The following ADAMTS19 variants were observed in gnomAD, a reference collection of about 807,000 sequenced individuals.
ADAMTS19 encodes ADAM metallopeptidase with thrombospondin type 1 motif 19, also known as A disintegrin and metalloproteinase with thrombospondin motifs 19.
ADAMTS19 carries 93 observed loss-of-function variants against 153.3 expected under a neutral mutation model. The ratio of observed to expected loss-of-function variants is 0.61; its 90% CI spans 0.51 to 0.72. The LOEUF is 0.72. Among genes scored for constraint, ADAMTS19 ranks in the 30% least tolerant of loss-of-function variants. The pLI, the probability that ADAMTS19 is intolerant of heterozygous loss-of-function variation, is 0.00. For synonymous variants in ADAMTS19, 600 were observed against 556.6 expected (o/e 1.08, Z -1.10); for missense variants, 1,482 against 1,552.1 (o/e 0.95, Z 0.76).
In ADAMTS19 at chr5:129,533,168, T is replaced by C. The variant is rs141465943; in HGVS notation, c.1328+4491T>C. On this transcript the variant is annotated intron_variant, in intron 6 of 22. Coordinates refer to ENST00000274487, the MANE Select transcript of ADAMTS19 (RefSeq NM_133638.6). ...ACTGATCAGAAGATGATTCCACTTA[T>C]ATAGAGTTTGAAAATAGGCAGAATT... Among the ~76,000 whole-genome samples the C allele has an allele frequency of 2.3e-3, 349 of 152,104 alleles. 2 individuals carry two copies. The highest frequency in any genetic ancestry group is 7.9e-3 in the African/African-American group (326 of 41,512).
chr5:129,628,199 G>C (rs1339520062), intron 10 of ADAMTS19, among the ~76,000 whole-genome samples: 3 of 151,974 alleles, frequency 2.0e-5, no homozygotes, highest in African/African-American at 4.8e-5. Context: ...ACTTATGCAG[G>C]AACAAAAAAC....
rs368746534 is a variant in ADAMTS19, at chr5:129,524,403, C to T, written c.914-1881C>T. ...TTCAGGACATAGGCATGGGCAAAGA[C>T]TTCATGACTAAAACGCCAAAAGCAA... On this transcript the variant is annotated intron_variant, in intron 3 of 22. Transcript: ENST00000274487. Among the ~76,000 whole-genome samples, 8 of 152,164 alleles carry T rather than the reference C, an allele frequency of 5.3e-5. No individual in the cohort carries two copies. In the East Asian group the frequency reaches 7.7e-4, roughly 15 times the overall value.
Position 129,704,224 on chromosome 5 carries a change from G to A in ADAMTS19, c.3160-15G>A. 1 of 1,608,720 alleles carries A rather than the reference G, an allele frequency of 6.2e-7. No homozygotes were observed. The highest frequency in any genetic ancestry group is 8.5e-7 in the Non-Finnish European group (1 of 1,177,650). The stretch of plus-strand genomic sequence containing the variant: ...TTCACCAACTTTATCTAAAACCTCT[G>A]ATGTTATCTTCCAGTGTTCAGTCAA... On this transcript the variant is annotated splice_polypyrimidine_tract_variant and intron_variant, in intron 20 of 22. Transcript: ENST00000274487.
intron 21 of ADAMTS19, 124 bp downstream of exon 21, chr5:129,704,515 T>A: frequency 9.0e-7 from 1 of 1,111,200 alleles, no homozygotes; most frequent in East Asian, 2.6e-5. Context: ...TCATGGGATA[T>A]GGGGCAGATT....
intron 14 of ADAMTS19, among the ~76,000 whole-genome samples, chr5:129,658,335 AAG>A (rs777564162): frequency 8.7e-4 from 73 of 84,190 alleles, no homozygotes; most frequent in Non-Finnish European, 1.2e-3. Context: ...GAAAGAAAGA[AAG>A]AAAGAAAGAA....
intron 10 of ADAMTS19, among the ~76,000 whole-genome samples, chr5:129,630,719 G>C (rs1310242549): frequency 6.6e-6 from 1 of 151,826 alleles, no homozygotes; most frequent in Non-Finnish European, 1.5e-5. Flanking sequence ...AAACAAAACA[G>C]AAAATTATTG....
chr5:129,694,803 A>C lies in ADAMTS19; in HGVS notation c.2902A>C (p.Thr968Pro). ...IVDNEKCKYL[T>P]KPEPQIRKCN... ...GGACAATGAGAAATGCAAATACTTAACCAAGCCAGAGCCACAGATTCGAAA... is the reference window on the plus strand; with the variant it reads ...GGACAATGAGAAATGCAAATACTTACCCAAGCCAGAGCCACAGATTCGAAA... Residue 968 changes from threonine (T) to proline (P), a missense_variant, in exon 19 of 23, where the codon ACC becomes CCC. Physicochemically the swap from Thr to Pro is conservative, Grantham distance 38. Around this residue, in one of 2 missense-constraint regions of ADAMTS19, gnomAD observed 616 missense variants for 724.4 expected, o/e 0.85. Coordinates refer to ENST00000274487, the MANE Select transcript of ADAMTS19 (RefSeq NM_133638.6). 1 of 1,607,330 alleles carries C rather than the reference A, an allele frequency of 6.2e-7. No homozygotes were observed. The highest frequency in any genetic ancestry group is 8.5e-7 in the Non-Finnish European group (1 of 1,176,624).
At chr5:129,695,801 G>C (rs1755525557) in intron 19 of ADAMTS19, among the ~76,000 whole-genome samples, 1 of 152,166 alleles carries the variant, frequency 6.6e-6, no homozygotes, top group South Asian at 2.1e-4. Context: ...ATTTGTTGAA[G>C]CCCGGTGAGT....
chr5:129,714,335 C>T (rs1756617396), intron 21 of ADAMTS19, among the ~76,000 whole-genome samples: 1 of 146,212 alleles, frequency 6.8e-6, no homozygotes, highest in Non-Finnish European at 1.5e-5. Flanking sequence ...AGGAGAATGG[C>T]GTGAACCCGG....
chr5:129,486,552 A>C (rs371221123), intron 2 of ADAMTS19, among the ~76,000 whole-genome samples: 2 of 152,270 alleles, frequency 1.3e-5, no homozygotes, highest in South Asian at 4.1e-4. Flanking sequence ...TATGATCAAA[A>C]CTGTCAACAA....
chr5:129,692,341 A>G (rs75390540), intron 18 of ADAMTS19, among the ~76,000 whole-genome samples: 1 of 148,646 alleles, frequency 6.7e-6, no homozygotes. Context: ...TCTCCATGTG[A>G]AAAAAAAAAG....
chr5:129,617,998 A>AT (rs938320980), intron 8 of ADAMTS19, among the ~76,000 whole-genome samples: 2 of 152,068 alleles, frequency 1.3e-5, no homozygotes, highest in Non-Finnish European at 2.9e-5. Flanking sequence ...CAGGCACTAC[A>AT]TATCATGTGA....
At chr5:129,658,317 G>GAAAGAAAGAA (rs1173568592) in intron 14 of ADAMTS19, among the ~76,000 whole-genome samples, 399 of 38,458 alleles carry the variant, frequency 0.01, 7 homozygotes, top group African/African-American at 0.026. Flanking sequence ...GAAAAAGAAA[G>GAAAGAAAGAA]AAAGAAAGAA....
chr5:129,680,787 A>C (rs1258781616), intron 17 of ADAMTS19, among the ~76,000 whole-genome samples: 1 of 150,098 alleles, frequency 6.7e-6, no homozygotes, highest in African/African-American at 2.4e-5. Flanking sequence ...AAAAAAAAAA[A>C]CTGGATATAA....
intron 6 of ADAMTS19, among the ~76,000 whole-genome samples, chr5:129,546,911 C>G (rs957947978): frequency 6.6e-6 from 1 of 150,848 alleles, no homozygotes; most frequent in Admixed American, 6.6e-5. Context: ...AGATTAAAAA[C>G]ACATGAAAAA....
intron 7 of ADAMTS19, among the ~76,000 whole-genome samples, chr5:129,557,893 A>G (rs1753368514): frequency 6.6e-6 from 1 of 152,068 alleles, no homozygotes; most frequent in South Asian, 2.1e-4. Flanking sequence ...TTTTTAAATA[A>G]CCAAGTACGG....
At position 129,620,735 on chromosome 5, in the gene ADAMTS19, G is replaced by T; in HGVS notation, c.1596G>T (p.Lys532Asn). The change falls in exon 9 of 23, where the codon AAG (lysine) becomes AAT (asparagine). Residue 532 changes from lysine (K) to asparagine (N), a missense_variant. Lys to Asn is a moderately conservative substitution (Grantham distance 94). Around this residue, in one of 2 missense-constraint regions of ADAMTS19, gnomAD observed 866 missense variants for 827.7 expected, o/e 1.05. Transcript: ENST00000274487. ...LGDVSWSRCS[K>N]EDLERFLRSK... is the part of the protein sequence containing the mutation. ...ACGTTTCATGGTCTCGATGTAGCAA[G>T]GAAGATTTGGAAAGATTTCTCAGGT... The T allele has an allele frequency of 6.2e-7, 1 of 1,612,572 alleles. No homozygotes were observed. Among genetic ancestry groups the T allele is most frequent in the Non-Finnish European group, 8.5e-7 (1 of 1,179,112 alleles).
intron 7 of ADAMTS19, among the ~76,000 whole-genome samples, chr5:129,585,378 C>G (rs1174682196): frequency 6.6e-6 from 1 of 151,844 alleles, no homozygotes; most frequent in African/African-American, 2.4e-5. Context: ...CTTTTTCTTT[C>G]TAATATATAT....
At position 129,588,146 on chromosome 5, in the gene ADAMTS19, C is replaced by T. The variant is rs149164542; in HGVS notation, c.1373-8413C>T. On this transcript the variant is annotated intron_variant, in intron 7 of 22. Transcript: ENST00000274487. Reference sequence around the variant, plus strand: ...ATGTAATGAATGGATACGTTTACTTCTACAATATTTATTATTTCCACTGTA... The same window carrying T: ...ATGTAATGAATGGATACGTTTACTTTTACAATATTTATTATTTCCACTGTA... Among the ~76,000 whole-genome samples the T allele has an allele frequency of 4.7e-3, 720 of 152,178 alleles. 6 individuals carry two copies. The highest frequency in any genetic ancestry group is 0.016 in the African/African-American group (670 of 41,544).
Sources: gnomAD v4.1 joint callset for allele counts (sites outside exome capture counted in the v4.1 genomes callset) on GRCh38, gnomAD v4.1.1 for gene constraint, gnomAD v4.1.1 regional missense constraint, MANE v1.5 for transcripts, NCBI Gene and HGNC (gene_info 2026-07-23, HGNC 2026-07-21) for gene names.